PRIMPOL: variants seen among roughly 807,000 people sequenced by gnomAD.
PRIMPOL encodes primase and DNA directed polymerase.
A neutral mutation model predicts 63.6 loss-of-function variants in PRIMPOL; 54 were observed. The observed-to-expected ratio is 0.85, with a 90% CI of 0.68 to 1.07. The LOEUF (loss-of-function observed/expected upper bound fraction) is 1.07. Ranked by LOEUF, PRIMPOL falls within the 50% of genes least tolerant of loss-of-function variation. The pLI is 0.00. For missense variants in PRIMPOL, 610 were observed against 648.3 expected (o/e 0.94, Z 0.64); for synonymous variants, 197 against 220.2 (o/e 0.89, Z 0.93).
chr4:184,694,885 C>T lies in PRIMPOL; in HGVS notation c.*106C>T. 2 of 1,005,402 alleles carry T rather than the reference C, an allele frequency of 2.0e-6. No homozygotes were observed. Among genetic ancestry groups the T allele is most frequent in the Admixed American group, 2.9e-5 (1 of 34,750 alleles). 62.3% of individuals were successfully genotyped at this position (1,005,402 alleles called of 1,614,324 possible). A position where few individuals can be genotyped will look rare whatever the true frequency, so the allele number is the denominator to read the frequency against. On this transcript the variant is annotated 3_prime_UTR_variant, in exon 14 of 14. Transcript: ENST00000314970. ...TGTTTATATAAACTAAGTTTTATTA[C>T]TTTGCTTTCCAATTTTTGTTTTTTA... is the stretch of plus-strand genomic sequence containing the variant.
intron 13 of PRIMPOL, among the ~76,000 whole-genome samples, chr4:184,692,600 G>C (rs1309591321): frequency 6.6e-6 from 1 of 151,022 alleles, no homozygotes; most frequent in African/African-American, 2.4e-5. Flanking sequence ...ACGTACCTTC[G>C]AGAATTTATG....
At chr4:184,694,473 GTAAA>G (rs1433385390) in intron 13 of PRIMPOL, 45 bp from the exon 14 acceptor site, 1 of 1,580,918 alleles carries the variant, frequency 6.3e-7, no homozygotes. Context: ...CATATCCTGA[GTAAA>G]TATTTTCCTA....
intron 13 of PRIMPOL, among the ~76,000 whole-genome samples, chr4:184,692,471 CAAAAAAAAA>C (rs60321808): frequency 8.1e-5 from 6 of 73,836 alleles, no homozygotes; most frequent in Admixed American, 1.9e-4. Context: ...GACTCTGCCT[CAAAAAAAAA>C]AAAAAAAAAA....
At chr4:184,694,160 T>TAC in intron 13 of PRIMPOL, 2 of 929,300 alleles carry the variant, frequency 2.2e-6, no homozygotes, top group Non-Finnish European at 2.6e-6. Context: ...AAAGCATGGG[T>TAC]ACTAAGTCCA....
intron 8 of PRIMPOL, among the ~76,000 whole-genome samples, chr4:184,681,706 C>G (rs1410897450): frequency 6.6e-6 from 1 of 152,086 alleles, no homozygotes; most frequent in African/African-American, 2.4e-5. Flanking sequence ...TCCCATGTAG[C>G]TGGAATTACA....
chr4:184,659,530 TC>T, intron 4 of PRIMPOL, 93 bp downstream of exon 4: 1 of 906,934 alleles, frequency 1.1e-6, no homozygotes, highest in Non-Finnish European at 1.8e-6. Flanking sequence ...TGAATTGGCT[TC>T]CACAGTTCGT....
intron 5 of PRIMPOL, among the ~76,000 whole-genome samples, chr4:184,663,567 A>G (rs542800757): frequency 6.6e-6 from 1 of 152,230 alleles, no homozygotes; most frequent in Non-Finnish European, 1.5e-5. Context: ...ACATATTAAT[A>G]AACACTGGTA....
chr4:184,660,717 AACTG>A (rs1189521012), intron 4 of PRIMPOL, among the ~76,000 whole-genome samples: 1 of 152,180 alleles, frequency 6.6e-6, no homozygotes, highest in Non-Finnish European at 1.5e-5. Context: ...GTAAATATGG[AACTG>A]ACTGCTACAG....
chr4:184,683,522 T>C (rs60523653), intron 9 of PRIMPOL, among the ~76,000 whole-genome samples: 19,867 of 152,062 alleles, frequency 0.13, 1,376 homozygotes, highest in Middle Eastern at 0.18. Context: ...AAAATGAAAA[T>C]GTAAAGTTCT....
chr4:184,673,127 T>C (rs898678262), intron 7 of PRIMPOL, among the ~76,000 whole-genome samples: 4 of 30,616 alleles, frequency 1.3e-4, no homozygotes, highest in Admixed American at 5.5e-4. Flanking sequence ...AGCAGGTTTT[T>C]TCTTTTTCTT....
In PRIMPOL at chr4:184,659,366, CAAAGTAGGAG is replaced by C. The variant is rs750747365; in HGVS notation, c.209_218del (p.Lys70MetfsTer8). ...ACGTTCATGTATTTGCTTTGGAATG[CAAAGTAGGAG>C]ATGGACAACGTATTTACCTTGTGAC... On this transcript the variant is annotated frameshift_variant, in exon 4 of 14. Coordinates refer to ENST00000314970, the MANE Select transcript of PRIMPOL (RefSeq NM_152683.4). LOFTEE classifies it high-confidence loss of function. The C allele has an allele frequency of 9.9e-6, 16 of 1,613,682 alleles. No homozygotes were observed. The highest frequency in any genetic ancestry group is 1.3e-5 in the Non-Finnish European group (15 of 1,179,712).
chr4:184,650,420 A>T (rs1047947794), intron 1 of PRIMPOL, among the ~76,000 whole-genome samples: 1 of 152,242 alleles, frequency 6.6e-6, no homozygotes, highest in Admixed American at 6.5e-5. Flanking sequence ...TTATAGTCAC[A>T]GAGTCCTGTG....
At chr4:184,685,041 G>A (rs1006457030) in intron 9 of PRIMPOL, among the ~76,000 whole-genome samples, 3 of 152,104 alleles carry the variant, frequency 2.0e-5, no homozygotes, top group African/African-American at 4.8e-5. Context: ...GAGATTGCCT[G>A]TGTTCACAGG....
At chr4:184,680,585 G>A (rs138198377) in intron 8 of PRIMPOL, among the ~76,000 whole-genome samples, 2 of 152,248 alleles carry the variant, frequency 1.3e-5, no homozygotes, top group East Asian at 1.9e-4. Context: ...GTTAACAGCC[G>A]TTACCCAGGA....
In PRIMPOL at chr4:184,694,887, T is replaced by C; in HGVS notation, c.*108T>C. ...TTTATATAAACTAAGTTTTATTACT[T>C]TGCTTTCCAATTTTTGTTTTTTACT... is the stretch of plus-strand genomic sequence containing the variant. On this transcript the variant is annotated 3_prime_UTR_variant, in exon 14 of 14. Transcript: ENST00000314970. 9.9e-7 allele frequency: 1 copy of C among 1,005,202 alleles called. No individual in the cohort carries two copies. The highest frequency in any genetic ancestry group is 1.4e-6 in the Non-Finnish European group (1 of 703,944). 62.3% of individuals were successfully genotyped at this position (1,005,202 alleles called of 1,614,324 possible). A position where few individuals can be genotyped will look rare whatever the true frequency, so the allele number is the denominator to read the frequency against.
At chr4:184,692,057 T>C (rs893772318) in intron 13 of PRIMPOL, among the ~76,000 whole-genome samples, 2 of 152,224 alleles carry the variant, frequency 1.3e-5, no homozygotes, top group Non-Finnish European at 2.9e-5. Flanking sequence ...AGTAGAATTG[T>C]GTCAAAGGGC....
At chr4:184,667,569 C>G (rs532148633) in intron 6 of PRIMPOL, among the ~76,000 whole-genome samples, 1 of 152,180 alleles carries the variant, frequency 6.6e-6, no homozygotes, top group African/African-American at 2.4e-5. Flanking sequence ...CTTGGCCTCC[C>G]AAAGTGCTGG....
In PRIMPOL at chr4:184,672,066, A is replaced by G. The variant is rs868808244; in HGVS notation, c.557-107A>G. 1.9e-5 allele frequency: 21 copies of G among 1,089,806 alleles called. No individual in the cohort carries two copies. In the African/African-American group the frequency reaches 2.5e-4, roughly 13 times the overall value. 67.5% of individuals were successfully genotyped at this position (1,089,806 alleles called of 1,614,324 possible). A position where few individuals can be genotyped will look rare whatever the true frequency, so the allele number is the denominator to read the frequency against. The stretch of plus-strand genomic sequence containing the variant: ...CAACCCAGTTTTGAAACCAGAAATC[A>G]AAAAATGGTTTTCTGTGTAAAATTG... On this transcript the variant is annotated intron_variant, in intron 6 of 13. Coordinates refer to ENST00000314970, the MANE Select transcript of PRIMPOL (RefSeq NM_152683.4).
chr4:184,694,344 G>A lies in PRIMPOL; in HGVS notation c.1426-178G>A, dbSNP rs944099289. ...TGTGTCTGAGCTTCAGTGCAGCAAC[G>A]TTTGAATCAGTGCACTCATTCCCAC... On this transcript the variant is annotated intron_variant, in intron 13 of 13. Transcript: ENST00000314970. 7.2e-6 allele frequency: 10 copies of A among 1,386,860 alleles called. No individual in the cohort carries two copies. The East Asian group carries it at 7.7e-5, about 11-fold the overall frequency. 85.9% of individuals were successfully genotyped at this position (1,386,860 alleles called of 1,614,324 possible). A position where few individuals can be genotyped will look rare whatever the true frequency, so the allele number is the denominator to read the frequency against.
Sources: gnomAD v4.1 joint callset for allele counts (sites outside exome capture counted in the v4.1 genomes callset) on GRCh38, gnomAD v4.1.1 for gene constraint, MANE v1.5 for transcripts, NCBI Gene and HGNC (gene_info 2026-07-23, HGNC 2026-07-21) for gene names.